SOX6: variants seen among roughly 807,000 people sequenced by gnomAD.
The protein encoded by SOX6 is transcription factor SOX-6.
SOX6 carries 11 observed loss-of-function variants against 97.8 expected under a neutral mutation model. That is an observed-to-expected ratio of 0.11 (90% CI 0.07 to 0.19). The LOEUF is 0.19. SOX6 is among the 10% of genes least tolerant of loss of function. The pLI is 1.00. For synonymous variants in SOX6, 360 were observed against 371.4 expected (o/e 0.97, Z 0.35); for missense variants, 810 against 1,039.5 (o/e 0.78, Z 3.04).
chr11:16,546,147 G>A (rs183696193), intron 4 of SOX6, among the ~76,000 whole-genome samples: 9 of 152,124 alleles, frequency 5.9e-5, no homozygotes, highest in Admixed American at 4.6e-4. Context: ...AACCAAGGAG[G>A]AGGAAAGCCT....
chr11:16,491,118 A>G (rs1293157017), intron 4 of SOX6, among the ~76,000 whole-genome samples: 2 of 152,172 alleles, frequency 1.3e-5, no homozygotes, highest in Non-Finnish European at 2.9e-5. Flanking sequence ...AGATGATATG[A>G]TTATATAGAA....
intron 1 of SOX6, among the ~76,000 whole-genome samples, chr11:16,426,458 C>T (rs1401001588): frequency 1.3e-5 from 2 of 151,844 alleles, no homozygotes; most frequent in Non-Finnish European, 2.9e-5. Context: ...CAAAAACAGA[C>T]ACATAGACCA....
At chr11:16,670,593 T>A in intron 3 of SOX6, among the ~76,000 whole-genome samples, 1 of 152,028 alleles carries the variant, frequency 6.6e-6, no homozygotes, top group Non-Finnish European at 1.5e-5. Flanking sequence ...CCAGTCTATC[T>A]CCCACAGATC....
intron 9 of SOX6, among the ~76,000 whole-genome samples, chr11:16,076,320 C>G (rs1848350550): frequency 6.6e-6 from 1 of 151,316 alleles, no homozygotes; most frequent in Admixed American, 6.6e-5. Flanking sequence ...AAATAGACAA[C>G]CTATAGAATG....
At chr11:16,562,127 GT>G (rs1460571701) in intron 4 of SOX6, among the ~76,000 whole-genome samples, 13 of 152,098 alleles carry the variant, frequency 8.5e-5, no homozygotes, top group Admixed American at 6.6e-5. Context: ...ATGTTCTTGT[GT>G]TTTTAAAATT....
intron 3 of SOX6, chr11:16,269,914 T>C (rs1390917445): frequency 6.6e-6 from 1 of 151,320 alleles, no homozygotes; most frequent in Admixed American, 6.6e-5. Context: ...CTCTAATTCA[T>C]TTATCTTGTA....
In SOX6 at chr11:16,520,380, T is replaced by C. The variant is rs545751096; in HGVS notation, n.610-43992A>G. 1.2e-4 allele frequency among the ~76,000 whole-genome samples: 18 copies of C among 152,344 alleles called. No homozygotes were observed. The South Asian group carries it at 2.1e-3, about 18-fold the overall frequency. ...ATTTTGAGTTAATTCTTCTATATGG[T>C]GAGATACAGGGGTTGTTTCTATCTT... On this transcript the variant is annotated intron_variant and non_coding_transcript_variant, in intron 4 of 5. Transcript: ENST00000524520.
chr11:16,008,636 AG>A, intron 13 of SOX6, among the ~76,000 whole-genome samples: 2 of 152,204 alleles, frequency 1.3e-5, no homozygotes, highest in East Asian at 3.9e-4. Context: ...CATCACTTGG[AG>A]GGTTCAATGG....
At chr11:16,009,178 T>A (rs1226657882) in intron 13 of SOX6, among the ~76,000 whole-genome samples, 1 of 152,104 alleles carries the variant, frequency 6.6e-6, no homozygotes, top group Non-Finnish European at 1.5e-5. Context: ...CAAAGGCATG[T>A]CATCTCTGAT....
intron 12 of SOX6, among the ~76,000 whole-genome samples, chr11:16,022,455 A>G (rs1418421783): frequency 6.8e-6 from 1 of 146,708 alleles, no homozygotes; most frequent in Non-Finnish European, 1.5e-5. Context: ...TCTATTGCCC[A>G]GGCTGGAGTG....
At chr11:16,616,064 G>T (rs1848467555) in intron 3 of SOX6, among the ~76,000 whole-genome samples, 1 of 152,154 alleles carries the variant, frequency 6.6e-6, no homozygotes, top group Non-Finnish European at 1.5e-5. Flanking sequence ...ATCAAGTAAT[G>T]TTAAAGCTTG....
chr11:16,520,568 T>A (rs946320184), intron 4 of SOX6, among the ~76,000 whole-genome samples: 27 of 152,196 alleles, frequency 1.8e-4, no homozygotes, highest in African/African-American at 6.0e-4. Flanking sequence ...ACGGGTGATT[T>A]CTGCATTTCC....
chr11:16,493,914 T>C (rs1860552482), intron 4 of SOX6, among the ~76,000 whole-genome samples: 1 of 152,178 alleles, frequency 6.6e-6, no homozygotes, highest in South Asian at 2.1e-4. Context: ...TCTAGAAATT[T>C]TTCCTACGTA....
intron 6 of SOX6, among the ~76,000 whole-genome samples, chr11:16,117,968 C>CT (rs145651215): frequency 0.059 from 8,978 of 152,086 alleles, 643 homozygotes; most frequent in East Asian, 0.37. Context: ...CAAATAGCAT[C>CT]TTTTTTTTCT....
At chr11:16,305,035 C>A (rs1855381630) in intron 3 of SOX6, among the ~76,000 whole-genome samples, 1 of 151,828 alleles carries the variant, frequency 6.6e-6, no homozygotes, top group African/African-American at 2.4e-5. Context: ...ACTTGATGCC[C>A]ATACTTGATC....
At chr11:16,377,076 T>C (rs10766320) in intron 1 of SOX6, among the ~76,000 whole-genome samples, 41,534 of 151,824 alleles carry the variant, frequency 0.27, 5,998 homozygotes, top group East Asian at 0.52. Context: ...TTGAAGATGT[T>C]GGCATTTGTT....
intron 3 of SOX6, among the ~76,000 whole-genome samples, chr11:16,273,247 A>T (rs1021861580): frequency 6.6e-6 from 1 of 152,050 alleles, no homozygotes; most frequent in Non-Finnish European, 1.5e-5. Context: ...TCAACAAAAT[A>T]CTAAGAATTG....
intron 3 of SOX6, among the ~76,000 whole-genome samples, chr11:16,669,978 T>G (rs1352590147): frequency 6.6e-6 from 1 of 152,112 alleles, no homozygotes; most frequent in Non-Finnish European, 1.5e-5. Context: ...GGCTGAGTCA[T>G]TATGCTGGCA....
At chr11:16,166,703 G>T (rs775955290) in intron 6 of SOX6, among the ~76,000 whole-genome samples, 1 of 152,148 alleles carries the variant, frequency 6.6e-6, no homozygotes, top group East Asian at 1.9e-4. Flanking sequence ...CTGAGTCAGG[G>T]GAAAGCAGTG....
Sources: gnomAD v4.1 joint callset for allele counts (sites outside exome capture counted in the v4.1 genomes callset) on GRCh38, gnomAD v4.1.1 for gene constraint, MANE v1.5 for transcripts, NCBI Gene and HGNC (gene_info 2026-07-23, HGNC 2026-07-21) for gene names.